ZBTB40: variants seen among roughly 807,000 people sequenced by gnomAD.
ZBTB40 encodes the protein zinc finger and BTB domain containing 40.
Under a neutral mutation model 117.5 loss-of-function variants are expected in ZBTB40, and 60 were observed. That is an observed-to-expected ratio of 0.51 (90% CI 0.41 to 0.63). The LOEUF (loss-of-function observed/expected upper bound fraction) is 0.63. Among genes scored for constraint, ZBTB40 ranks in the 30% least tolerant of loss-of-function variants. The pLI, the probability that ZBTB40 is intolerant of heterozygous loss-of-function variation, is 0.00. For synonymous variants in ZBTB40, 525 were observed against 577.1 expected, an observed-to-expected ratio of 0.91 and a Z score of 1.29; for missense variants, 1,287 against 1,498.5, an observed-to-expected ratio of 0.86 and a Z score of 2.33.
Position 22,527,126 on chromosome 1 carries a change from T to G in ZBTB40, c.*730T>G, listed in dbSNP as rs1639700348. On this transcript the variant is annotated 3_prime_UTR_variant, in exon 18 of 18. Transcript: ENST00000375647. The stretch of plus-strand genomic sequence containing the variant: ...TCAGCTGCTAGACAGTGTCTGCCTT[T>G]CCAGGACATTCTTCTTGGTATTCCT... The G allele has an allele frequency of 6.5e-6, 1 of 153,240 alleles. No individual in the cohort carries two copies. Among genetic ancestry groups the G allele is most frequent in the Non-Finnish European group, 1.5e-5 (1 of 68,742 alleles). The allele number at this position is 153,240 out of a possible 1,614,324, so 9.5% of individuals were successfully genotyped here. A position where few individuals can be genotyped will look rare whatever the true frequency, so the allele number is the denominator to read the frequency against.
At chr1:22,504,031 G>A (rs1350671020) in intron 5 of ZBTB40, among the ~76,000 whole-genome samples, 1 of 152,234 alleles carries the variant, frequency 6.6e-6, no homozygotes, top group African/African-American at 2.4e-5. Flanking sequence ...GAAAGCTGAA[G>A]CAGAAGAGCT....
chr1:22,512,374 A>T (rs894508684), intron 11 of ZBTB40, among the ~76,000 whole-genome samples: 1 of 152,244 alleles, frequency 6.6e-6, no homozygotes, highest in Non-Finnish European at 1.5e-5. Context: ...TTGCATTGTT[A>T]TGAAGACTTA....
rs558373820 is a variant in ZBTB40, at chr1:22,435,284, C to T, written c.-70+6270C>T. Among the ~76,000 whole-genome samples the T allele has an allele frequency of 2.3e-3, 350 of 152,156 alleles. 1 individual carries two copies. Among genetic ancestry groups the T allele is most frequent in the Admixed American group, 2.7e-3 (41 of 15,272 alleles). ...CCAAAGTGCTGGGATTACAGGCATGCGCCATTGTGCCCAGCTTATCCTTCA... is the reference window on the plus strand; with the variant it reads ...CCAAAGTGCTGGGATTACAGGCATGTGCCATTGTGCCCAGCTTATCCTTCA... On this transcript the variant is annotated intron_variant, in intron 1 of 8. Transcript: ENST00000650433.
chr1:22,474,216 T>TG (rs1431880507), intron 1 of ZBTB40, among the ~76,000 whole-genome samples: 1 of 152,162 alleles, frequency 6.6e-6, no homozygotes, highest in African/African-American at 2.4e-5. Context: ...CTCCAAATCT[T>TG]GGAGAGTGGA....
intron 1 of ZBTB40, among the ~76,000 whole-genome samples, chr1:22,474,312 A>T (rs1641503877): frequency 6.6e-6 from 1 of 152,248 alleles, no homozygotes; most frequent in Non-Finnish European, 1.5e-5. Context: ...AGATACTATC[A>T]TGAACCCAGG....
intron 3 of ZBTB40, among the ~76,000 whole-genome samples, chr1:22,493,431 T>TTC (rs147065838): frequency 6.6e-6 from 1 of 151,904 alleles, no homozygotes; most frequent in Non-Finnish European, 1.5e-5. Context: ...CGGCCTCTAC[T>TTC]TCTCTCTCTC....
intron 1 of ZBTB40, among the ~76,000 whole-genome samples, chr1:22,434,476 G>A (rs1640645863): frequency 6.6e-6 from 1 of 152,072 alleles, no homozygotes; most frequent in African/African-American, 2.4e-5. Flanking sequence ...ATGGTTTTGG[G>A]AATTTGACTC....
intron 12 of ZBTB40, among the ~76,000 whole-genome samples, chr1:22,514,920 A>G (rs1241866431): frequency 3.3e-5 from 5 of 152,226 alleles, no homozygotes; most frequent in Non-Finnish European, 5.9e-5. Flanking sequence ...GGTATTATAA[A>G]TATACGCACC....
At chr1:22,451,178 G>A (rs1640860451), upstream of ZBTB40, among the ~76,000 whole-genome samples, 1 of 152,246 alleles carries the variant, frequency 6.6e-6, no homozygotes, top group East Asian at 1.9e-4. Flanking sequence ...TCAGCCCACT[G>A]CGCCCCACCA....
chr1:22,465,471 C>A (rs1027816608), intron 1 of ZBTB40, among the ~76,000 whole-genome samples: 2 of 152,144 alleles, frequency 1.3e-5, no homozygotes, highest in Non-Finnish European at 2.9e-5. Context: ...GCACCAGTTC[C>A]CACTCTGGTC....
chr1:22,477,176 G>A (rs943728284), intron 1 of ZBTB40, among the ~76,000 whole-genome samples: 2 of 152,074 alleles, frequency 1.3e-5, no homozygotes, highest in African/African-American at 4.8e-5. Context: ...CCTGAAAGTG[G>A]TATGAAAATT....
In ZBTB40 at chr1:22,431,384, G is replaced by GTGTATATATATATA. The variant is rs1222294324; in HGVS notation, c.-70+2371_-70+2372insGTATATATATATAT. On this transcript the variant is annotated intron_variant, in intron 1 of 8. Coordinates refer to the ZBTB40 transcript ENST00000650433. ...ATTTTGTGTGTGTGTGTGTGTGTGT[G>GTGTATATATATATA]TATATATATATATATATATATATAT... is the stretch of plus-strand genomic sequence containing the variant. Among the ~76,000 whole-genome samples the GTGTATATATATATA allele has an allele frequency of 3.7e-4, 44 of 119,688 alleles. 1 individual carries two copies. The highest frequency in any genetic ancestry group is 4.5e-3 in the Middle Eastern group (1 of 224). The allele number at this position is 119,688 out of a possible 152,430, so 78.5% of individuals were successfully genotyped here. A position where few individuals can be genotyped will look rare whatever the true frequency, so the allele number is the denominator to read the frequency against.
intron 3 of ZBTB40, 114 bp downstream of exon 3, chr1:22,491,647 T>C: frequency 2.1e-6 from 1 of 486,134 alleles, no homozygotes; most frequent in Non-Finnish European, 3.1e-6. Context: ...GAAACTTTAA[T>C]TTTTTTTTTT....
intron 3 of ZBTB40, among the ~76,000 whole-genome samples, chr1:22,498,627 G>C (rs146379826): frequency 6.6e-6 from 1 of 152,326 alleles, no homozygotes; most frequent in East Asian, 1.9e-4. Flanking sequence ...TTTCACTGCT[G>C]AGTAGTTCTG....
At chr1:22,472,043 G>T (rs1361183775) in intron 1 of ZBTB40, among the ~76,000 whole-genome samples, 1 of 152,220 alleles carries the variant, frequency 6.6e-6, no homozygotes, top group Non-Finnish European at 1.5e-5. Context: ...ATAAGCAAGA[G>T]CTGTACCTGG....
chr1:22,475,990 C>T (rs1641540914), intron 1 of ZBTB40, among the ~76,000 whole-genome samples: 1 of 152,202 alleles, frequency 6.6e-6, no homozygotes, highest in Non-Finnish European at 1.5e-5. Context: ...GAGCCCCTTA[C>T]CCTCTAGTAG....
chr1:22,499,800 G>A (rs193166558), intron 3 of ZBTB40, among the ~76,000 whole-genome samples: 190 of 152,316 alleles, frequency 1.2e-3, no homozygotes, highest in African/African-American at 3.7e-3. Context: ...TTCTATTTGG[G>A]AGGAGAGGAG....
intron 1 of ZBTB40, among the ~76,000 whole-genome samples, chr1:22,471,886 G>C (rs770946285): frequency 2.0e-5 from 3 of 152,206 alleles, no homozygotes; most frequent in Non-Finnish European, 4.4e-5. Flanking sequence ...CGAGAGCAGA[G>C]TAAGCCACCG....
chr1:22,513,274 G>A lies in ZBTB40; in HGVS notation c.2668+144G>A, dbSNP rs1639291381. ...GACTAAAGTCAATAATAACTTAATT[G>A]TACATTTTAAATACAGTGTAATTTG... On this transcript the variant is annotated intron_variant, in intron 12 of 17. Coordinates refer to ENST00000375647, the MANE Select transcript of ZBTB40 (RefSeq NM_014870.4). The surrounding 1 kb of genome is among the most constrained non-coding windows in gnomAD (Gnocchi z 4.9). The A allele has an allele frequency of 1.1e-6, 1 of 905,618 alleles. No individual in the cohort carries two copies. The highest frequency in any genetic ancestry group is 1.7e-6 in the Non-Finnish European group (1 of 579,020). The allele number at this position is 905,618 out of a possible 1,614,324, so 56.1% of individuals were successfully genotyped here. A position where few individuals can be genotyped will look rare whatever the true frequency, so the allele number is the denominator to read the frequency against.
Sources: allele counts gnomAD v4.1 joint callset (sites outside exome capture counted in the v4.1 genomes callset), GRCh38; gene constraint gnomAD v4.1.1; non-coding constraint Gnocchi (gnomAD v3.1); transcripts MANE v1.5; gene names NCBI Gene and HGNC (gene_info 2026-07-23, HGNC 2026-07-21).